The following RASGEF1A variants were observed in gnomAD, a reference collection of about 807,000 sequenced individuals.
RASGEF1A encodes ras-GEF domain-containing family member 1A.
RASGEF1A carries 18 observed loss-of-function variants against 56.4 expected under a neutral mutation model. That is an observed-to-expected ratio of 0.32 (90% CI 0.22 to 0.47). The LOEUF (loss-of-function observed/expected upper bound fraction) is 0.47, where lower values mean the gene tolerates loss of function less well. Among genes scored for constraint, RASGEF1A ranks in the 20% least tolerant of loss-of-function variants. RASGEF1A has a pLI of 1.00. For missense variants in RASGEF1A, 422 were observed against 627.1 expected (o/e 0.67, Z 3.49); for synonymous variants, 245 against 242.6 (o/e 1.01, Z -0.09).
chr10:43,238,266 G>A (rs1192961741), intron 1 of RASGEF1A, among the ~76,000 whole-genome samples: 1 of 152,046 alleles, frequency 6.6e-6, no homozygotes, highest in Non-Finnish European at 1.5e-5. Flanking sequence ...GCCGCAGATT[G>A]AGACCTGCCT....
At chr10:43,234,916 T>C (rs527998257) in intron 1 of RASGEF1A, among the ~76,000 whole-genome samples, 5 of 152,310 alleles carry the variant, frequency 3.3e-5, no homozygotes, top group Non-Finnish European at 7.4e-5. Flanking sequence ...AGCCACGGTC[T>C]GCAGAGAGGC....
At chr10:43,257,727 G>A (rs535113621) in intron 1 of RASGEF1A, among the ~76,000 whole-genome samples, 2 of 152,340 alleles carry the variant, frequency 1.3e-5, no homozygotes, top group African/African-American at 4.8e-5. Context: ...GCCAGCCCTG[G>A]CCCTGCATTA....
Position 43,200,885 on chromosome 10 carries a change from TCTC to T in RASGEF1A, c.460_462del (p.Glu154del), listed in dbSNP as rs746078807. 6.2e-7 allele frequency: 1 copy of T among 1,613,490 alleles called. No homozygotes were observed. The highest frequency in any genetic ancestry group is 1.1e-5 in the South Asian group (1 of 91,078). ...GCAATGGCCTTCTTCACTGTGCCAT[TCTC>T]CTGTGGGGTCAAGGGCAATAAGGGT... On this transcript the variant is annotated inframe_deletion and splice_region_variant, in exon 5 of 13. Coordinates refer to ENST00000395810, the MANE Select transcript of RASGEF1A (RefSeq NM_145313.4).
chr10:43,218,761 A>C (rs1462382498), intron 1 of RASGEF1A, among the ~76,000 whole-genome samples: 1 of 152,266 alleles, frequency 6.6e-6, no homozygotes, highest in Non-Finnish European at 1.5e-5. Context: ...GGCGGCTGCC[A>C]TGGGAACCAG....
intron 1 of RASGEF1A, among the ~76,000 whole-genome samples, chr10:43,266,617 GCCC>G (rs1180901233): frequency 1.5e-4 from 22 of 149,246 alleles, no homozygotes; most frequent in Non-Finnish European, 4.5e-5. Flanking sequence ...GCGCCGTCCA[GCCC>G]GGGGCGGAGT....
At chr10:43,255,228 G>C (rs1198967351) in intron 1 of RASGEF1A, among the ~76,000 whole-genome samples, 1 of 152,088 alleles carries the variant, frequency 6.6e-6, no homozygotes, top group African/African-American at 2.4e-5. Flanking sequence ...GCCCCACCCA[G>C]GCCCCAGCGC....
intron 1 of RASGEF1A, among the ~76,000 whole-genome samples, chr10:43,242,834 T>A (rs1287288274): frequency 6.6e-6 from 1 of 152,136 alleles, no homozygotes; most frequent in Non-Finnish European, 1.5e-5. Context: ...CACTCATTGC[T>A]CAATGTTGCC....
intron 1 of RASGEF1A, among the ~76,000 whole-genome samples, chr10:43,221,197 C>T (rs1355286337): frequency 6.6e-6 from 1 of 152,192 alleles, no homozygotes; most frequent in Non-Finnish European, 1.5e-5. Flanking sequence ...CATCCCCCGA[C>T]ACTGTGGTTC....
At chr10:43,203,605 T>TGCCTACCTAGGAGGCACGGCTCGAGCCCC in intron 2 of RASGEF1A, 185 bp from the exon 3 acceptor site, 2 of 1,229,566 alleles carry the variant, frequency 1.6e-6, no homozygotes, top group South Asian at 3.3e-5. Flanking sequence ...ACCCCGGCCC[T>TGCCTACCTAGGAGGCACGGCTCGAGCCCC]GCCTACCTAG....
intron 1 of RASGEF1A, among the ~76,000 whole-genome samples, chr10:43,258,556 GC>G (rs1371396292): frequency 6.6e-6 from 1 of 152,248 alleles, no homozygotes; most frequent in African/African-American, 2.4e-5. Context: ...CAGGCGGCTG[GC>G]CCCTTGGGAC....
rs79009967 is a variant in RASGEF1A, at chr10:43,226,651, T to C, written c.-6-20529A>G. Among the ~76,000 whole-genome samples, 1,423 of 152,118 alleles carry C rather than the reference T, an allele frequency of 9.4e-3. 19 individuals are homozygous for C. The highest frequency in any genetic ancestry group is 0.033 in the African/African-American group (1,360 of 41,506). On this transcript the variant is annotated intron_variant, in intron 1 of 12. Coordinates refer to ENST00000395810, the MANE Select transcript of RASGEF1A (RefSeq NM_145313.4). ...GCCCAGAACCCACACAGTGGAGCCC[T>C]CATGACCCAGGAACCAGCTCTGACC...
intron 1 of RASGEF1A, among the ~76,000 whole-genome samples, chr10:43,237,640 T>C (rs1440738653): frequency 6.6e-6 from 1 of 152,100 alleles, no homozygotes; most frequent in East Asian, 1.9e-4. Flanking sequence ...CCTGCTGTGC[T>C]CATCAGAGGC....
chr10:43,232,458 T>A (rs888139690), intron 1 of RASGEF1A, among the ~76,000 whole-genome samples: 1 of 151,870 alleles, frequency 6.6e-6, no homozygotes, highest in East Asian at 1.9e-4. Context: ...TTAAACCTCT[T>A]TTCTTTATAA....
At chr10:43,233,728 G>C (rs145512308) in intron 1 of RASGEF1A, among the ~76,000 whole-genome samples, 24 of 152,248 alleles carry the variant, frequency 1.6e-4, no homozygotes, top group African/African-American at 5.8e-4. Context: ...TATGAACACC[G>C]ACCACACCAG....
intron 1 of RASGEF1A, among the ~76,000 whole-genome samples, chr10:43,250,228 G>T (rs182673881): frequency 1.5e-3 from 226 of 152,354 alleles, no homozygotes; most frequent in African/African-American, 5.2e-3. Context: ...CTGGGAGCCA[G>T]CTGCCCGGAC....
intron 1 of RASGEF1A, among the ~76,000 whole-genome samples, chr10:43,227,862 C>G (rs1840302300): frequency 6.6e-6 from 1 of 152,128 alleles, no homozygotes; most frequent in African/African-American, 2.4e-5. Context: ...ATGAAAACAG[C>G]CTACCCACCA....
intron 1 of RASGEF1A, among the ~76,000 whole-genome samples, chr10:43,261,143 G>A (rs1035783140): frequency 6.6e-6 from 1 of 152,132 alleles, no homozygotes; most frequent in Non-Finnish European, 1.5e-5. Flanking sequence ...TCTGGCTGCC[G>A]TGGCCTTTCC....
intron 2 of RASGEF1A, among the ~76,000 whole-genome samples, chr10:43,204,225 A>T (rs1237784395): frequency 6.6e-6 from 1 of 152,106 alleles, no homozygotes; most frequent in African/African-American, 2.4e-5. Flanking sequence ...TGGCTGCTGC[A>T]GGCTGGGCTG....
chr10:43,237,713 T>G (rs1002667115), intron 1 of RASGEF1A, among the ~76,000 whole-genome samples: 10 of 152,086 alleles, frequency 6.6e-5, no homozygotes, highest in African/African-American at 2.4e-4. Context: ...CATGCCAGGA[T>G]GCCTAGCTGG....
Sources: allele counts gnomAD v4.1 joint callset (sites outside exome capture counted in the v4.1 genomes callset), GRCh38; gene constraint gnomAD v4.1.1; transcripts MANE v1.5; gene names NCBI Gene and HGNC (gene_info 2026-07-23, HGNC 2026-07-21).